TMEM108: variants seen among roughly 807,000 people sequenced by gnomAD.
TMEM108 encodes transmembrane protein 108.
In TMEM108, 12 loss-of-function variants were observed where a neutral mutation model predicts 35.1. The ratio of observed to expected loss-of-function variants is 0.34; its 90% CI spans 0.22 to 0.55. The LOEUF is 0.55. Among genes scored for constraint, TMEM108 ranks in the 20% least tolerant of loss-of-function variants. TMEM108 has a pLI of 0.89. For synonymous variants in TMEM108, 287 were observed against 308.6 expected (o/e 0.93, Z 0.73); for missense variants, 680 against 753.3 (o/e 0.90, Z 1.14).
intron 2 of TMEM108, among the ~76,000 whole-genome samples, chr3:133,143,971 ATTTT>A (rs1210699638): frequency 1.4e-4 from 16 of 118,160 alleles, no homozygotes; most frequent in African/African-American, 4.6e-4. Flanking sequence ...ATTTTATTTT[ATTTT>A]ATTTTATTTT....
intron 3 of TMEM108, among the ~76,000 whole-genome samples, chr3:133,237,519 G>A (rs1423345408): frequency 1.3e-5 from 2 of 152,000 alleles, no homozygotes; most frequent in Non-Finnish European, 2.9e-5. Flanking sequence ...ATCTTTCCAT[G>A]GCTTTGCATT....
In TMEM108 at chr3:133,332,851, G is replaced by A. The variant is rs532926487; in HGVS notation, c.41-46901G>A. Reference sequence around the variant, plus strand: ...GTGTTACTTTCACAAACTATTTCAGGAAGATAAATTGACATACAGAAAGAG... The same window carrying A: ...GTGTTACTTTCACAAACTATTTCAGAAAGATAAATTGACATACAGAAAGAG... On this transcript the variant is annotated intron_variant, in intron 3 of 5. Coordinates refer to ENST00000321871, the MANE Select transcript of TMEM108 (RefSeq NM_023943.4). Among the ~76,000 whole-genome samples the A allele has an allele frequency of 1.6e-4, 24 of 152,314 alleles. 1 individual carries two copies. Among genetic ancestry groups the A allele is most frequent in the African/African-American group, 5.3e-4 (22 of 41,570 alleles).
chr3:133,209,512 T>A (rs1576384380), intron 2 of TMEM108, among the ~76,000 whole-genome samples: 1 of 151,810 alleles, frequency 6.6e-6, no homozygotes, highest in Admixed American at 6.6e-5. Context: ...TTGTTTTTAT[T>A]CTCAGCCCCA....
At chr3:133,079,361 C>T (rs960514330) in intron 2 of TMEM108, among the ~76,000 whole-genome samples, 6 of 152,042 alleles carry the variant, frequency 3.9e-5, no homozygotes, top group Non-Finnish European at 5.9e-5. Flanking sequence ...TGCCTTAGTC[C>T]GTTTGGGTTG....
At chr3:133,302,710 G>GC (rs1314095871) in intron 3 of TMEM108, among the ~76,000 whole-genome samples, 1 of 151,980 alleles carries the variant, frequency 6.6e-6, no homozygotes, top group Admixed American at 6.5e-5. Context: ...GTGAGCCACC[G>GC]CCCCCGGCCA....
chr3:133,076,849 A>C (rs2107693849), intron 2 of TMEM108, among the ~76,000 whole-genome samples: 1 of 152,342 alleles, frequency 6.6e-6, no homozygotes, highest in African/African-American at 2.4e-5. Flanking sequence ...GGTTAGCTGG[A>C]GTCAAGCTTA....
At chr3:133,205,001 T>C (rs1444631426) in intron 2 of TMEM108, among the ~76,000 whole-genome samples, 1 of 152,226 alleles carries the variant, frequency 6.6e-6, no homozygotes, top group Admixed American at 6.5e-5. Flanking sequence ...TGGGTGCATA[T>C]ATATTTAGGA....
At chr3:133,045,320 G>A (rs1943322850) in intron 1 of TMEM108, among the ~76,000 whole-genome samples, 1 of 152,084 alleles carries the variant, frequency 6.6e-6, no homozygotes, top group Non-Finnish European at 1.5e-5. Context: ...TTACAGTTGA[G>A]GAAACTGAGA....
intron 3 of TMEM108, among the ~76,000 whole-genome samples, chr3:133,249,496 T>TTGC (rs1303048621): frequency 6.6e-6 from 1 of 152,222 alleles, no homozygotes; most frequent in African/African-American, 2.4e-5. Context: ...GTGTCTATTG[T>TTGC]TGCCATCTTT....
At chr3:133,297,998 A>C (rs1268455916) in intron 3 of TMEM108, among the ~76,000 whole-genome samples, 2 of 152,128 alleles carry the variant, frequency 1.3e-5, no homozygotes, top group African/African-American at 4.8e-5. Context: ...CTACCTTGTA[A>C]GTCTCAGATG....
chr3:133,203,940 G>C (rs1269917213), intron 2 of TMEM108, among the ~76,000 whole-genome samples: 2 of 152,040 alleles, frequency 1.3e-5, no homozygotes, highest in African/African-American at 4.8e-5. Context: ...TTTTTTGGTT[G>C]GTAGGCTATT....
intron 3 of TMEM108, among the ~76,000 whole-genome samples, chr3:133,288,885 G>A (rs1947022920): frequency 6.6e-6 from 1 of 151,962 alleles, no homozygotes; most frequent in Non-Finnish European, 1.5e-5. Flanking sequence ...ACGGGTGTGT[G>A]CCACCACACC....
intron 2 of TMEM108, among the ~76,000 whole-genome samples, chr3:133,164,375 C>T (rs1945006065): frequency 6.6e-6 from 1 of 152,142 alleles, no homozygotes; most frequent in African/African-American, 2.4e-5. Flanking sequence ...TCTCCTGAGC[C>T]TGATAATTTG....
At chr3:133,307,979 T>C (rs1331212987) in intron 3 of TMEM108, among the ~76,000 whole-genome samples, 3 of 152,210 alleles carry the variant, frequency 2.0e-5, no homozygotes, top group Non-Finnish European at 4.4e-5. Context: ...ATATTGATTC[T>C]TCCTGTATAT....
At chr3:133,243,149 C>G (rs1051642133) in intron 3 of TMEM108, among the ~76,000 whole-genome samples, 3 of 152,086 alleles carry the variant, frequency 2.0e-5, no homozygotes, top group African/African-American at 4.8e-5. Flanking sequence ...GGTAATTGTT[C>G]AGATTCCAGT....
At chr3:133,370,921 T>TGTGTGTGTGTGC (rs142623622) in intron 3 of TMEM108, among the ~76,000 whole-genome samples, 22 of 139,290 alleles carry the variant, frequency 1.6e-4, no homozygotes, top group African/African-American at 3.2e-4. Context: ...TGTGTGTGTG[T>TGTGTGTGTGTGC]GCCAGGAAGC....
chr3:133,265,839 T>C (rs1247680178), intron 3 of TMEM108, among the ~76,000 whole-genome samples: 1 of 152,228 alleles, frequency 6.6e-6, no homozygotes, highest in East Asian at 1.9e-4. Context: ...CATTATGCTT[T>C]TGACTTTTTC....
chr3:133,371,187 A>ATT (rs1011256600), intron 3 of TMEM108, among the ~76,000 whole-genome samples: 5 of 152,152 alleles, frequency 3.3e-5, no homozygotes, highest in African/African-American at 1.2e-4. Flanking sequence ...CATGGATGGT[A>ATT]TTCCAGTTAC....
At chr3:133,289,653 A>C (rs1286073465) in intron 3 of TMEM108, among the ~76,000 whole-genome samples, 1 of 152,230 alleles carries the variant, frequency 6.6e-6, no homozygotes, top group African/African-American at 2.4e-5. Flanking sequence ...AAAGTAGTGT[A>C]GTGCCCTTTA....
Sources: gnomAD v4.1 joint callset for allele counts (sites outside exome capture counted in the v4.1 genomes callset) on GRCh38, gnomAD v4.1.1 for gene constraint, MANE v1.5 for transcripts, NCBI Gene and HGNC (gene_info 2026-07-23, HGNC 2026-07-21) for gene names.